The following DDN variants were observed in gnomAD, a reference collection of about 807,000 sequenced individuals.
DDN encodes dendrin.
In DDN, 4 loss-of-function variants were observed where a neutral mutation model predicts 7.3. The observed-to-expected ratio is 0.55, with a 90% CI of 0.27 to 1.25. The LOEUF (loss-of-function observed/expected upper bound fraction) is 1.25, where lower values mean the gene tolerates loss of function less well. DDN is among the 50% of genes most tolerant of loss of function. The pLI is 0.12. For synonymous variants in DDN, 425 were observed against 424.3 expected (o/e 1.00, Z -0.02); for missense variants, 933 against 974.7 (o/e 0.96, Z 0.57).
Position 48,996,748 on chromosome 12 carries a change from T to C in DDN, c.2128A>G (p.Arg710Gly). The change falls in exon 2 of 2, where the codon AGG becomes GGG. Residue 710 changes from arginine (R) to glycine (G), a missense_variant. Physicochemically the swap from Arg to Gly is moderately radical, Grantham distance 125. Coordinates refer to ENST00000421952, the MANE Select transcript of DDN (RefSeq NM_015086.2). ...ATACAAGAAGGGGCCTCTCACTGCCTCTTCCTATTTCCCTGTTGGGTCCCT... is the reference window on the plus strand; with the variant it reads ...ATACAAGAAGGGGCCTCTCACTGCCCCTTCCTATTTCCCTGTTGGGTCCCT... ...IRGTQQGNRK[R>G]Q The C allele has an allele frequency of 6.2e-7, 1 of 1,612,838 alleles. No homozygotes were observed. Among genetic ancestry groups the C allele is most frequent in the Non-Finnish European group, 8.5e-7 (1 of 1,178,928 alleles).
chr12:48,999,350 A>G lies in DDN; in HGVS notation c.-63T>C. On this transcript the variant is annotated 5_prime_UTR_variant, in exon 1 of 2. Coordinates refer to ENST00000421952, the MANE Select transcript of DDN (RefSeq NM_015086.2). ...CGCCCCAGGAGCCCCCTCCCAGCCC[A>G]GGGAGCCGGCGCCCACTGCAGAGCC... 2 of 1,240,048 alleles carry G rather than the reference A, an allele frequency of 1.6e-6. No individual in the cohort carries two copies. The highest frequency in any genetic ancestry group is 1.4e-5 in the South Asian group (1 of 69,948). 76.8% of individuals were successfully genotyped at this position (1,240,048 alleles called of 1,614,324 possible). A position where few individuals can be genotyped will look rare whatever the true frequency, so the allele number is the denominator to read the frequency against.
chr12:48,999,236 G>A lies in DDN; in HGVS notation c.52C>T (p.Gln18Ter). The A allele has an allele frequency of 6.3e-7, 1 of 1,577,116 alleles. No individual in the cohort carries two copies. The highest frequency in any genetic ancestry group is 8.6e-7 in the Non-Finnish European group (1 of 1,161,200). ...SEGPDSPREL[Q>*]DEESGSCLWV... The stretch of plus-strand genomic sequence containing the variant: ...AGGCAGCTGCCAGACTCCTCATCCT[G>A]GAGCTCCCGGGGGCTGTCAGGCCCC... Residue 18 changes from glutamine (Q) to a stop codon, truncating the protein, a stop_gained, in exon 1 of 2, where the codon CAG (glutamine) becomes TAG (stop). Transcript: ENST00000421952. LOFTEE classifies it high-confidence loss of function.
chr12:48,997,090 C>G lies in DDN; in HGVS notation c.1786G>C (p.Ala596Pro). 6.6e-7 allele frequency: 1 copy of G among 1,523,170 alleles called. No individual in the cohort carries two copies. Among genetic ancestry groups the G allele is most frequent in the Non-Finnish European group, 8.7e-7 (1 of 1,143,602 alleles). 94.4% of individuals were successfully genotyped at this position (1,523,170 alleles called of 1,614,324 possible). ...GGGGTCCGCGCCCAGCCCCGGCCGG[C>G]GCGCCGCTGGACCACCGCCACTTCC... The part of the protein sequence containing the change: ...GSEVAVVQRR[A>P]GRGWARTPGP... The change falls in exon 2 of 2, where the codon GCC (alanine) becomes CCC (proline). Residue 596 changes from alanine to proline, a missense_variant. Transcript: ENST00000421952.
Position 48,996,662 on chromosome 12 carries a change from G to A in DDN, c.*78C>T. The A allele has an allele frequency of 6.5e-7, 1 of 1,537,634 alleles. No homozygotes were observed. On this transcript the variant is annotated 3_prime_UTR_variant, in exon 2 of 2. Transcript: ENST00000421952. ...AAGATACAAGGAAAAGAGAAGCAAAGGAAGTCTGTGGGGAAGAATGGGGAC... is the reference window on the plus strand; with the variant it reads ...AAGATACAAGGAAAAGAGAAGCAAAAGAAGTCTGTGGGGAAGAATGGGGAC...
Position 48,996,925 on chromosome 12 carries a change from C to A in DDN, c.1951G>T (p.Ala651Ser), listed in dbSNP as rs1241497943. Reference protein sequence around the residue: ...SDGSDTEAPGASWRNERTLPE... With the variant: ...SDGSDTEAPGSSWRNERTLPE... ...AGGGTCCTCTCATTCCGCCAGGAGG[C>A]GCCCGGGGCTTCTGTGTCGCTTCCA... Residue 651 changes from alanine to serine, a missense_variant, in exon 2 of 2, where the codon GCC becomes TCC. By Grantham distance (99) the Ala-to-Ser change is moderately conservative. Coordinates refer to ENST00000421952, the MANE Select transcript of DDN (RefSeq NM_015086.2). The A allele has an allele frequency of 6.2e-7, 1 of 1,604,256 alleles. No homozygotes were observed. Among genetic ancestry groups the A allele is most frequent in the South Asian group, 1.1e-5 (1 of 90,210 alleles).
At position 48,997,288 on chromosome 12, in the gene DDN, CGCCCCCGCG is replaced by C. The variant is rs769977204; in HGVS notation, c.1579_1587del (p.Arg527_Gly529del). 10 of 1,608,980 alleles carry C rather than the reference CGCCCCCGCG, an allele frequency of 6.2e-6. No individual in the cohort carries two copies. The highest frequency in any genetic ancestry group is 8.5e-6 in the Non-Finnish European group (10 of 1,178,426). Reference sequence around the variant, plus strand: ...TCCCCCGGCCTCCCGCCCTCAGCTTCGCCCCCGCGGCCCCCGCCGGGCTGGTGTAAAAGG... The same window carrying C: ...TCCCCCGGCCTCCCGCCCTCAGCTTCGCCCCCGCCGGGCTGGTGTAAAAGG... On this transcript the variant is annotated inframe_deletion, in exon 2 of 2. Transcript: ENST00000421952.
chr12:48,998,295 C>G lies in DDN; in HGVS notation c.581G>C (p.Gly194Ala), dbSNP rs1418337531. The change falls in exon 2 of 2, where the codon GGA (glycine) becomes GCA (alanine). Residue 194 changes from glycine (G) to alanine (A), a missense_variant. Physicochemically the swap from Gly to Ala is moderately conservative, Grantham distance 60. Transcript: ENST00000421952. ...DPGSAWAGPWGGRRPGPPSYE... is the reference protein window; with the variant it reads ...DPGSAWAGPWAGRRPGPPSYE... ...GCTTGGGGGCCCGGGCCGCCGACCT[C>G]CCCAGGGCCCCGCCCACGCCGACCC... is the stretch of plus-strand genomic sequence containing the variant. The G allele has an allele frequency of 1.9e-6, 3 of 1,594,400 alleles. No homozygotes were observed. Among genetic ancestry groups the G allele is most frequent in the African/African-American group, 2.7e-5 (2 of 74,408 alleles).
At position 48,999,270 on chromosome 12, in the gene DDN, C is replaced by A. The variant is rs1459529818; in HGVS notation, c.18G>T (p.Leu6=). The change falls in exon 1 of 2, where the codon CTG becomes CTT. Residue 6 remains leucine, a synonymous_variant. Transcript: ENST00000421952. MLDGP[L]FSEGPDSPRE... ...GGGGGCTGTCAGGCCCCTCGGAGAA[C>A]AGTGGGCCATCCAGCATCCTGCCCC... The A allele has an allele frequency of 6.4e-7, 1 of 1,551,850 alleles. No individual in the cohort carries two copies.
rs940434537 is a variant in DDN at position 48,997,091 on chromosome 12, G to T, written c.1785C>A (p.Arg595=). The T allele has an allele frequency of 1.3e-6, 2 of 1,523,344 alleles. No homozygotes were observed. The highest frequency in any genetic ancestry group is 1.7e-6 in the Non-Finnish European group (2 of 1,143,590). The allele number at this position is 1,523,344 out of a possible 1,614,324, so 94.4% of individuals were successfully genotyped here. ...EGSEVAVVQR[R]AGRGWARTPG... The stretch of plus-strand genomic sequence containing the variant: ...GGGTCCGCGCCCAGCCCCGGCCGGC[G>T]CGCCGCTGGACCACCGCCACTTCCG... The change falls in exon 2 of 2, where the codon CGC becomes CGA. Residue 595 remains arginine, a synonymous_variant. Transcript: ENST00000421952.
In DDN at chr12:48,999,365, A is replaced by T; in HGVS notation, c.-78T>A. 5 of 1,332,032 alleles carry T rather than the reference A, an allele frequency of 3.8e-6. No homozygotes were observed. Among genetic ancestry groups the T allele is most frequent in the Non-Finnish European group, 4.0e-6 (4 of 1,001,408 alleles). 82.5% of individuals were successfully genotyped at this position (1,332,032 alleles called of 1,614,324 possible). The stretch of plus-strand genomic sequence containing the variant: ...CTCCCAGCCCAGGGAGCCGGCGCCC[A>T]CTGCAGAGCCGCGGGCCCGGGGACT... On this transcript the variant is annotated 5_prime_UTR_variant, in exon 1 of 2. Coordinates refer to ENST00000421952, the MANE Select transcript of DDN (RefSeq NM_015086.2).
Position 48,997,912 on chromosome 12 carries a change from C to G in DDN, c.964G>C (p.Ala322Pro). The part of the protein sequence containing the change: ...GVVEKSLGLA[A>P]ADLNSGSDSH... ...TCGCTACCACTGTTCAGGTCAGCAG[C>G]AGCCAGCCCCAGGCTTTTCTCCACG... Residue 322 changes from alanine to proline, a missense_variant, in exon 2 of 2, where the codon GCT becomes CCT. Coordinates refer to ENST00000421952, the MANE Select transcript of DDN (RefSeq NM_015086.2). 6.2e-7 allele frequency: 1 copy of G among 1,612,674 alleles called. No individual in the cohort carries two copies. The highest frequency in any genetic ancestry group is 8.5e-7 in the Non-Finnish European group (1 of 1,179,970).
rs1469002151 is a variant in DDN at position 48,996,627 on chromosome 12, G to C, written c.*113C>G. The stretch of plus-strand genomic sequence containing the variant: ...CATTTATATTTCAAGGATGAGAACA[G>C]GTATGGGTAAAGATACAAGGAAAAG... On this transcript the variant is annotated 3_prime_UTR_variant, in exon 2 of 2. Coordinates refer to ENST00000421952, the MANE Select transcript of DDN (RefSeq NM_015086.2). The C allele has an allele frequency of 6.9e-6, 10 of 1,451,508 alleles. No individual in the cohort carries two copies. Among genetic ancestry groups the C allele is most frequent in the Non-Finnish European group, 8.2e-6 (9 of 1,091,836 alleles). 89.9% of individuals were successfully genotyped at this position (1,451,508 alleles called of 1,614,324 possible).
In DDN at chr12:48,997,817, C is replaced by A. The variant is rs745961256; in HGVS notation, c.1059G>T (p.Ala353=). 5.0e-6 allele frequency: 8 copies of A among 1,613,932 alleles called. No homozygotes were observed. The East Asian group carries it at 1.3e-4, about 27-fold the overall frequency. The change falls in exon 2 of 2, where the codon GCG becomes GCT. Residue 353 remains alanine, a synonymous_variant. Coordinates refer to ENST00000421952, the MANE Select transcript of DDN (RefSeq NM_015086.2). ...GAGCGGGATGCGGGGCACAGGGAGC[C>A]GCAGTTGCAGACCCCGCAGGAGCTA... ...TEIAPAGSAT[A]APCAPHPAPR...
Position 48,997,375 on chromosome 12 carries a change from C to T in DDN, c.1501G>A (p.Glu501Lys). 1 of 1,613,582 alleles carries T rather than the reference C, an allele frequency of 6.2e-7. No individual in the cohort carries two copies. Among genetic ancestry groups the T allele is most frequent in the Non-Finnish European group, 8.5e-7 (1 of 1,179,838 alleles). ...GGGGAAGGAAAGACCGTGGCCCCTT[C>T]ACCCTCCTCCTTGCCGGGCTTCGAT... Reference protein sequence around the residue: ...SQSKPGKEEGEGATVFPSPCQ... With the variant: ...SQSKPGKEEGKGATVFPSPCQ... The change falls in exon 2 of 2, where the codon GAA becomes AAA. Residue 501 changes from glutamate (E) to lysine (K), a missense_variant. Transcript: ENST00000421952.
chr12:48,998,185 G>A lies in DDN; in HGVS notation c.691C>T (p.Pro231Ser), dbSNP rs772686351. ...WDRPPPYVAP[P>S]SYEGPHRTLG... is the part of the protein sequence containing the mutation. ...GTCCTATGGGGGCCTTCGTAAGAAG[G>A]TGGAGCCACGTAGGGTGGCGGCCGG... is the stretch of plus-strand genomic sequence containing the variant. Residue 231 changes from proline to serine, a missense_variant, in exon 2 of 2, where the codon CCT (proline) becomes TCT (serine). Physicochemically the swap from Pro to Ser is moderately conservative, Grantham distance 74 (BLOSUM62 -1). Transcript: ENST00000421952. 1 of 1,612,844 alleles carries A rather than the reference G, an allele frequency of 6.2e-7. No homozygotes were observed. The highest frequency in any genetic ancestry group is 1.1e-5 in the South Asian group (1 of 91,070).
At position 48,996,053 on chromosome 12, in the gene DDN, A is replaced by G. The variant is rs1941199694; in HGVS notation, c.*687T>C. 1 of 152,244 alleles carries G rather than the reference A, an allele frequency of 6.6e-6. No individual in the cohort carries two copies. Among genetic ancestry groups the G allele is most frequent in the African/African-American group, 2.4e-5 (1 of 41,448 alleles). 9.4% of individuals were successfully genotyped at this position (152,244 alleles called of 1,614,324 possible). A position where few individuals can be genotyped will look rare whatever the true frequency, so the allele number is the denominator to read the frequency against. Reference sequence around the variant, plus strand: ...CTCAAACTCTGTTCACTTATTCCCAATTCTCATTCTTGGCTTGTCGAGGGG... The same window carrying G: ...CTCAAACTCTGTTCACTTATTCCCAGTTCTCATTCTTGGCTTGTCGAGGGG... On this transcript the variant is annotated 3_prime_UTR_variant, in exon 2 of 2. Transcript: ENST00000421952.
rs570096201 is a variant in DDN, at chr12:48,998,626, G to C, written c.250C>G (p.Arg84Gly). Reference protein sequence around the residue: ...RPGSPQPPPRRPWASRVLQEA... With the variant: ...RPGSPQPPPRGPWASRVLQEA... ...TGCAGCACCCTGGAGGCCCAGGGCCGGCGGGGCGGCGGCTGTGGGGATCCC... is the reference window on the plus strand; with the variant it reads ...TGCAGCACCCTGGAGGCCCAGGGCCCGCGGGGCGGCGGCTGTGGGGATCCC... The change falls in exon 2 of 2, where the codon CGG becomes GGG. Residue 84 changes from arginine to glycine, a missense_variant. Physicochemically the swap from Arg to Gly is moderately radical, Grantham distance 125 (BLOSUM62 -2). Coordinates refer to ENST00000421952, the MANE Select transcript of DDN (RefSeq NM_015086.2). 1.3e-5 allele frequency: 20 copies of C among 1,545,062 alleles called. No individual in the cohort carries two copies. The highest frequency in any genetic ancestry group is 1.7e-5 in the Non-Finnish European group (20 of 1,155,136).
chr12:48,996,699 A>G lies in DDN; in HGVS notation c.*41T>C. On this transcript the variant is annotated 3_prime_UTR_variant, in exon 2 of 2. Coordinates refer to ENST00000421952, the MANE Select transcript of DDN (RefSeq NM_015086.2). ...GGAAGAATGGGGACCAGTGGACCCA[A>G]GGATGGATGCGTTGGGGACACAAAT... is the stretch of plus-strand genomic sequence containing the variant. The G allele has an allele frequency of 6.3e-7, 1 of 1,595,748 alleles. No individual in the cohort carries two copies. Among genetic ancestry groups the G allele is most frequent in the Non-Finnish European group, 8.6e-7 (1 of 1,167,998 alleles).
Position 48,999,268 on chromosome 12 carries a change from A to G in DDN, c.20T>C (p.Phe7Ser). 1 of 1,552,114 alleles carries G rather than the reference A, an allele frequency of 6.4e-7. No individual in the cohort carries two copies. The highest frequency in any genetic ancestry group is 2.4e-5 in the East Asian group (1 of 40,962). ...CCGGGGGCTGTCAGGCCCCTCGGAG[A>G]ACAGTGGGCCATCCAGCATCCTGCC... is the stretch of plus-strand genomic sequence containing the variant. MLDGPL[F>S]SEGPDSPREL... Residue 7 changes from phenylalanine (F) to serine (S), a missense_variant, in exon 1 of 2, where the codon TTC becomes TCC. Coordinates refer to ENST00000421952, the MANE Select transcript of DDN (RefSeq NM_015086.2).
Sources: allele counts gnomAD v4.1 joint callset, GRCh38; gene constraint gnomAD v4.1.1; transcripts MANE v1.5; gene names NCBI Gene and HGNC (gene_info 2026-07-23, HGNC 2026-07-21).